Variants in GRIK2 observed in about 807,000 individuals in gnomAD.
GRIK2 encodes glutamate receptor ionotropic, kainate 2.
GRIK2 carries 32 observed loss-of-function variants against 100.3 expected under a neutral mutation model. The observed-to-expected ratio is 0.32, with a 90% confidence interval of 0.24 to 0.43. The LOEUF is 0.43. Ranked by LOEUF, GRIK2 falls within the 20% of genes least tolerant of loss-of-function variation. The pLI is 1.00. For missense variants in GRIK2, 843 were observed against 1,114.9 expected (o/e 0.76, Z 3.47); for synonymous variants, 417 against 389.4 (o/e 1.07, Z -0.83).
intron 15 of GRIK2, 84 bp downstream of exon 15, chr6:102,035,650 C>G (rs948926301): frequency 1.2e-5 from 9 of 727,672 alleles, no homozygotes; most frequent in South Asian, 2.0e-5. Flanking sequence ...TCCACGTATG[C>G]CATTAGGAAT....
rs574622573 is a variant in GRIK2, at chr6:101,618,032, T to A, written c.116-3917T>A. ...CTGTTGAGTGTGTGTCTTGTGTGTG[T>A]CTCTGATTAGGAAGTTCTTAATTTT... On this transcript the variant is annotated intron_variant, in intron 2 of 16. Coordinates refer to ENST00000369134, the MANE Select transcript of GRIK2 (RefSeq NM_021956.5). Among the ~76,000 whole-genome samples the A allele has an allele frequency of 1.3e-3, 198 of 151,884 alleles. 1 individual carries two copies. Among genetic ancestry groups the A allele is most frequent in the African/African-American group, 4.4e-3 (184 of 41,522 alleles).
intron 2 of GRIK2, among the ~76,000 whole-genome samples, chr6:101,451,101 T>A (rs975505358): frequency 2.0e-5 from 3 of 151,742 alleles, no homozygotes; most frequent in Non-Finnish European, 3.0e-5. Flanking sequence ...TCATTCTTCA[T>A]CCTGTTTAGA....
chr6:101,400,528 A>G (rs1005050515), intron 2 of GRIK2, among the ~76,000 whole-genome samples: 1 of 152,222 alleles, frequency 6.6e-6, no homozygotes, highest in East Asian at 1.9e-4. Flanking sequence ...CAAAGAGTGC[A>G]GGACACCATG....
intron 14 of GRIK2, among the ~76,000 whole-genome samples, chr6:101,972,847 G>C (rs1441360871): frequency 6.6e-6 from 1 of 151,928 alleles, no homozygotes; most frequent in Non-Finnish European, 1.5e-5. Flanking sequence ...TTGAAGATCA[G>C]ATGGTTTTAG....
intron 7 of GRIK2, among the ~76,000 whole-genome samples, chr6:101,744,221 C>T (rs1005356380): frequency 1.3e-5 from 2 of 151,990 alleles, no homozygotes; most frequent in Non-Finnish European, 2.9e-5. Context: ...GGATTACAGA[C>T]ATGAGCCGTC....
chr6:101,402,645 G>A (rs984092060), intron 2 of GRIK2, among the ~76,000 whole-genome samples: 1 of 152,188 alleles, frequency 6.6e-6, no homozygotes, highest in Non-Finnish European at 1.5e-5. Flanking sequence ...GACAACTTGG[G>A]TTTTCCTGGG....
At chr6:101,720,381 A>AG (rs1451302361) in intron 7 of GRIK2, among the ~76,000 whole-genome samples, 3 of 152,038 alleles carry the variant, frequency 2.0e-5, no homozygotes, top group Non-Finnish European at 4.4e-5. Context: ...ATATATGTTG[A>AG]ATATGCTTAT....
At chr6:101,621,621 C>T (rs76529268) in intron 2 of GRIK2, among the ~76,000 whole-genome samples, 364 of 152,096 alleles carry the variant, frequency 2.4e-3, no homozygotes, top group African/African-American at 8.2e-3. Flanking sequence ...GTCAAGACCT[C>T]TCTATACCTA....
At chr6:101,876,770 C>G (rs1454279558) in intron 11 of GRIK2, among the ~76,000 whole-genome samples, 1 of 151,886 alleles carries the variant, frequency 6.6e-6, no homozygotes, top group Non-Finnish European at 1.5e-5. Flanking sequence ...CACCCAGCAT[C>G]CTTCTGTTCT....
At chr6:101,614,575 C>T (rs1339023653) in intron 2 of GRIK2, among the ~76,000 whole-genome samples, 1 of 151,434 alleles carries the variant, frequency 6.6e-6, no homozygotes, top group African/African-American at 2.4e-5. Context: ...TAACATTGTC[C>T]TTTGGCATTA....
At chr6:101,829,306 T>C (rs1782529650) in intron 10 of GRIK2, among the ~76,000 whole-genome samples, 1 of 151,872 alleles carries the variant, frequency 6.6e-6, no homozygotes, top group Non-Finnish European at 1.5e-5. Context: ...TGGGGAAAGG[T>C]TGGAAGCATG....
intron 2 of GRIK2, among the ~76,000 whole-genome samples, chr6:101,612,884 A>G (rs1241587144): frequency 6.6e-6 from 1 of 151,584 alleles, no homozygotes; most frequent in Non-Finnish European, 1.5e-5. Flanking sequence ...TGACTGGGGA[A>G]GTGGGAGTGG....
At chr6:101,652,751 A>AT (rs2128329219) in intron 4 of GRIK2, among the ~76,000 whole-genome samples, 1 of 152,270 alleles carries the variant, frequency 6.6e-6, no homozygotes, top group Non-Finnish European at 1.5e-5. Context: ...AGGAAATGTT[A>AT]TTTTTTATAG....
chr6:101,486,164 A>G (rs1772815668), intron 2 of GRIK2, among the ~76,000 whole-genome samples: 1 of 152,100 alleles, frequency 6.6e-6, no homozygotes, highest in African/African-American at 2.4e-5. Context: ...TCCTCTCCCT[A>G]GAATATTTAA....
intron 2 of GRIK2, among the ~76,000 whole-genome samples, chr6:101,519,347 T>C (rs977355259): frequency 1.8e-5 from 2 of 111,544 alleles, no homozygotes; most frequent in African/African-American, 6.9e-5. Flanking sequence ...GTGTGTGTGT[T>C]TGCGCTGGTG....
At chr6:101,426,925 A>C (rs923175897) in intron 2 of GRIK2, among the ~76,000 whole-genome samples, 1 of 152,146 alleles carries the variant, frequency 6.6e-6, no homozygotes, top group African/African-American at 2.4e-5. Flanking sequence ...ACAATATGCT[A>C]TGTTTTCTTT....
intron 2 of GRIK2, among the ~76,000 whole-genome samples, chr6:101,472,630 T>A (rs2788282): frequency 0.26 from 38,730 of 151,552 alleles, 5,756 homozygotes; most frequent in East Asian, 0.36. Context: ...AAGACCAAAG[T>A]TTATTTTTAA....
chr6:101,948,634 G>GT (rs1325725709), intron 14 of GRIK2, among the ~76,000 whole-genome samples: 13 of 150,860 alleles, frequency 8.6e-5, no homozygotes, highest in Non-Finnish European at 4.4e-5. Context: ...ATGTTAAAAG[G>GT]TTTTTTTATT....
At chr6:101,633,743 A>G (rs1427758830) in intron 4 of GRIK2, among the ~76,000 whole-genome samples, 2 of 152,174 alleles carry the variant, frequency 1.3e-5, no homozygotes. Context: ...CTACAAATAC[A>G]CATACACATA....
Sources: allele counts gnomAD v4.1 joint callset (sites outside exome capture counted in the v4.1 genomes callset), GRCh38; gene constraint gnomAD v4.1.1; transcripts MANE v1.5; gene names NCBI Gene and HGNC (gene_info 2026-07-23, HGNC 2026-07-21).